ZKSCAN7: variants seen among roughly 807,000 people sequenced by gnomAD.
ZKSCAN7 encodes zinc finger with KRAB and SCAN domains 7.
Under a neutral mutation model 65.3 loss-of-function variants are expected in ZKSCAN7, and 38 were observed. The ratio of observed to expected loss-of-function variants is 0.58; its 90% CI spans 0.45 to 0.76. ZKSCAN7 has a LOEUF of 0.76. ZKSCAN7 is among the 30% of genes least tolerant of loss of function. The pLI is 0.00. For missense variants in ZKSCAN7, 815 were observed against 913.3 expected, an observed-to-expected ratio of 0.89 and a Z score of 1.39; for synonymous variants, 321 against 321.0, an observed-to-expected ratio of 1.00 and a Z score of 0.00.
At position 44,583,297 on chromosome 3, in the gene ZKSCAN7, C is replaced by T. The variant is rs539469234; in HGVS notation, c.*306C>T. On this transcript the variant is annotated 3_prime_UTR_variant, in exon 6 of 6. Coordinates refer to the ZKSCAN7 transcript ENST00000341840. ...CTTCAGGAGAGTGTCCCGAGTTCTA[C>T]GTCCCACATCAACTGAGGGTGTGAA... The T allele has an allele frequency of 4.3e-5, 7 of 163,034 alleles. No individual in the cohort carries two copies. In the East Asian group the frequency reaches 9.5e-4, roughly 22 times the overall value. 10.1% of individuals were successfully genotyped at this position (163,034 alleles called of 1,614,324 possible). A position where few individuals can be genotyped will look rare whatever the true frequency, so the allele number is the denominator to read the frequency against.
chr3:44,568,325 G>T lies in ZKSCAN7; in HGVS notation c.703G>T (p.Asp235Tyr). The T allele has an allele frequency of 6.2e-7, 1 of 1,613,508 alleles. No homozygotes were observed. The highest frequency in any genetic ancestry group is 1.1e-5 in the South Asian group (1 of 90,950). The change falls in exon 5 of 6, where the codon GAC (aspartate) becomes TAC (tyrosine). Residue 235 changes from aspartate (D) to tyrosine (Y), a missense_variant. Around this residue, in one of 3 missense-constraint regions of ZKSCAN7, gnomAD observed 578 missense variants for 629.5 expected, o/e 0.92. Transcript: ENST00000426540. ...ATTCCAGGATACTGTGGCATATGAG[G>T]ACCTATCTGTAGACTACACTCAGAA... ...VRPQDTVAYE[D>Y]LSVDYTQKKW... is the part of the protein sequence containing the mutation.
At chr3:44,560,506 CTTTTTTTTT>C (rs33986362) in intron 2 of ZKSCAN7, among the ~76,000 whole-genome samples, 108 of 108,396 alleles carry the variant, frequency 1.0e-3, no homozygotes, top group East Asian at 5.5e-3. Context: ...TTTCCTGTAT[CTTTTTTTTT>C]TTTTTTTTTT....
intron 3 of ZKSCAN7, among the ~76,000 whole-genome samples, chr3:44,567,066 T>A (rs1434449768): frequency 6.7e-6 from 1 of 149,682 alleles, no homozygotes; most frequent in Middle Eastern, 3.4e-3. Context: ...CAGTGAGGCA[T>A]GATCATGCCA....
In ZKSCAN7 at chr3:44,571,055, C is replaced by T. The variant is rs974528503; in HGVS notation, c.1945C>T (p.His649Tyr). ...ECGKSFNQNS[H>Y]LIIHQRIHTG... ...TGGAAAATCCTTCAATCAAAACTCA[C>T]ACCTTATTATACACCAGAGAATTCA... The change falls in exon 6 of 6, where the codon CAC becomes TAC. Residue 649 changes from histidine to tyrosine, a missense_variant. His to Tyr is a moderately conservative substitution (Grantham distance 83). Coordinates refer to ENST00000426540, the MANE Select transcript of ZKSCAN7 (RefSeq NM_001288590.2). 2 of 1,614,186 alleles carry T rather than the reference C, an allele frequency of 1.2e-6. No individual in the cohort carries two copies. The highest frequency in any genetic ancestry group is 3.3e-5 in the Admixed American group (2 of 60,020).
In ZKSCAN7 at chr3:44,567,514, C is replaced by T. The variant is rs116344528; in HGVS notation, c.593-398C>T. ...CAATGAGAGTTGGTCAGATTGCTGA[C>T]GGAAAGAACAAGGAAGCACTAGGGC... On this transcript the variant is annotated intron_variant, in intron 3 of 5. Coordinates refer to ENST00000426540, the MANE Select transcript of ZKSCAN7 (RefSeq NM_001288590.2). Among the ~76,000 whole-genome samples, 731 of 152,208 alleles carry T rather than the reference C, an allele frequency of 4.8e-3. 8 individuals carry two copies. The highest frequency in any genetic ancestry group is 0.017 in the African/African-American group (694 of 41,508).
chr3:44,570,855 G>T lies in ZKSCAN7; in HGVS notation c.1745G>T (p.Ser582Ile). The T allele has an allele frequency of 6.2e-7, 1 of 1,614,206 alleles. No homozygotes were observed. The highest frequency in any genetic ancestry group is 8.5e-7 in the Non-Finnish European group (1 of 1,180,040). The change falls in exon 6 of 6, where the codon AGT becomes ATT. Residue 582 changes from serine to isoleucine, a missense_variant. This residue lies in a region of ZKSCAN7 where 578 missense variants were observed against 629.5 expected (regional missense o/e 0.92). Coordinates refer to ENST00000426540, the MANE Select transcript of ZKSCAN7 (RefSeq NM_001288590.2). ...LHTGEKPYKC[S>I]ECGKAFNQNS... ...ACTGGGGAAAAGCCATACAAATGTA[G>T]TGAATGTGGGAAAGCCTTCAATCAG... is the stretch of plus-strand genomic sequence containing the variant.
chr3:44,556,973 C>T lies in ZKSCAN7; in HGVS notation c.-75C>T. Reference sequence around the variant, plus strand: ...CTTTCTCCAACCCTGAAAAACAGTTCCTGAGACCTGAACTATTGACCATCA... The same window carrying T: ...CTTTCTCCAACCCTGAAAAACAGTTTCTGAGACCTGAACTATTGACCATCA... On this transcript the variant is annotated 5_prime_UTR_variant, in exon 2 of 6. Transcript: ENST00000426540. 6.3e-7 allele frequency: 1 copy of T among 1,594,606 alleles called. No homozygotes were observed. Among genetic ancestry groups the T allele is most frequent in the African/African-American group, 1.4e-5 (1 of 73,912 alleles).
chr3:44,580,366 T>C, intron 5 of ZKSCAN7: 2 of 1,608,880 alleles, frequency 1.2e-6, no homozygotes, highest in Middle Eastern at 1.7e-4. Flanking sequence ...TGGCTGGGAC[T>C]CTGAGCTGGA....
downstream of ZKSCAN7, among the ~76,000 whole-genome samples, chr3:44,572,708 G>A (rs1252705662): frequency 6.6e-6 from 1 of 151,744 alleles, no homozygotes; most frequent in Non-Finnish European, 1.5e-5. Context: ...AAATTAGCCA[G>A]GCGTGGTGGG....
intron 3 of ZKSCAN7, 39 bp from the exon 4 acceptor site, chr3:44,567,873 C>T: frequency 3.1e-6 from 2 of 644,050 alleles, no homozygotes; most frequent in Non-Finnish European, 5.5e-6. Flanking sequence ...GAGCCAGAAG[C>T]AGGGCTTGTC....
At position 44,571,469 on chromosome 3, in the gene ZKSCAN7, C is replaced by T. The variant is rs182510024; in HGVS notation, c.*94C>T. ...AGTGGTTTCCCGGAGCCAGTAGTCACGGTGGACCATTCCCTACTTGCTTTT... is the reference window on the plus strand; with the variant it reads ...AGTGGTTTCCCGGAGCCAGTAGTCATGGTGGACCATTCCCTACTTGCTTTT... On this transcript the variant is annotated 3_prime_UTR_variant, in exon 6 of 6. Coordinates refer to ENST00000426540, the MANE Select transcript of ZKSCAN7 (RefSeq NM_001288590.2). The T allele has an allele frequency of 1.9e-4, 310 of 1,596,652 alleles. No homozygotes were observed. The highest frequency in any genetic ancestry group is 9.0e-4 in the Admixed American group (54 of 59,866).
chr3:44,580,090 C>T (rs1437848489), intron 5 of ZKSCAN7: 23 of 1,606,550 alleles, frequency 1.4e-5, no homozygotes, highest in African/African-American at 1.3e-5. Context: ...TCCATGTGCT[C>T]TGCCTTCTCA....
intron 1 of ZKSCAN7, 79 bp from the exon 2 acceptor site, chr3:44,556,851 T>C (rs1266147235): frequency 1.4e-6 from 1 of 723,804 alleles, no homozygotes; most frequent in Non-Finnish European, 2.3e-6. Flanking sequence ...TGGAGCTTTG[T>C]TTTTTAACTC....
In ZKSCAN7 at chr3:44,571,922, C is replaced by G; in HGVS notation, c.*547C>G. 1 of 986,530 alleles carries G rather than the reference C, an allele frequency of 1.0e-6. No homozygotes were observed. Among genetic ancestry groups the G allele is most frequent in the South Asian group, 4.7e-5 (1 of 21,388 alleles). The allele number at this position is 986,530 out of a possible 1,614,324, so 61.1% of individuals were successfully genotyped here. On this transcript the variant is annotated 3_prime_UTR_variant, in exon 6 of 6. Transcript: ENST00000426540. ...TGAAATCCATCTCATCACTGAAATA[C>G]TTTCTTCTTCAAGTACTTTTTTATT...
chr3:44,581,142 G>C (rs1351738776), intron 5 of ZKSCAN7: 2 of 957,238 alleles, frequency 2.1e-6, no homozygotes, highest in Non-Finnish European at 2.5e-6. Flanking sequence ...GGCCCTGACC[G>C]GCCTCCTTCC....
Position 44,565,541 on chromosome 3 carries a change from G to A in ZKSCAN7, c.478G>A (p.Gly160Ser), listed in dbSNP as rs1387449296. 6.2e-7 allele frequency: 1 copy of A among 1,612,658 alleles called. No homozygotes were observed. The highest frequency in any genetic ancestry group is 1.3e-5 in the African/African-American group (1 of 74,890). The stretch of plus-strand genomic sequence containing the variant: ...GCATTTTGAGGAGACAACAGCTCTG[G>A]GTACAACAAAGGAATCTCCTCCTAC... ...EMHFEETTAL[G>S]TTKESPPTSP... Residue 160 changes from glycine to serine, a missense_variant, in exon 3 of 6, where the codon GGT becomes AGT. Transcript: ENST00000426540.
chr3:44,580,936 A>C, intron 5 of ZKSCAN7: 1 of 1,612,534 alleles, frequency 6.2e-7, no homozygotes, highest in Non-Finnish European at 8.5e-7. Context: ...AGGAGATGCG[A>C]CTCGCGGGGC....
At chr3:44,567,398 C>T (rs904768757) in intron 3 of ZKSCAN7, among the ~76,000 whole-genome samples, 1 of 152,172 alleles carries the variant, frequency 6.6e-6, no homozygotes, top group Non-Finnish European at 1.5e-5. Flanking sequence ...TAAAGTGTTG[C>T]AGGACACCCA....
chr3:44,579,430 C>G (rs1269010926), intron 5 of ZKSCAN7, among the ~76,000 whole-genome samples: 1 of 152,214 alleles, frequency 6.6e-6, no homozygotes, highest in African/African-American at 2.4e-5. Context: ...GGCCCTCTCG[C>G]CTCCGCTCCC....
Sources: allele counts gnomAD v4.1 joint callset (sites outside exome capture counted in the v4.1 genomes callset), GRCh38; gene constraint gnomAD v4.1.1; regional missense constraint gnomAD v4.1.1; transcripts MANE v1.5; gene names NCBI Gene and HGNC (gene_info 2026-07-23, HGNC 2026-07-21).